ERBB4: variants seen among roughly 807,000 people sequenced by gnomAD.
ERBB4 encodes the protein erb-b2 receptor tyrosine kinase 4.
ERBB4 carries 42 observed loss-of-function variants against 158.0 expected under a neutral mutation model. The observed-to-expected ratio is 0.27, with a 90% CI of 0.21 to 0.34. The LOEUF (loss-of-function observed/expected upper bound fraction) is 0.34, where lower values mean the gene tolerates loss of function less well. Ranked by LOEUF, ERBB4 falls within the 10% of genes least tolerant of loss-of-function variation. The pLI is 1.00. For missense variants in ERBB4, 1,333 were observed against 1,624.1 expected (o/e 0.82, Z 3.08); for synonymous variants, 583 against 558.7 (o/e 1.04, Z -0.61).
intron 20 of ERBB4, among the ~76,000 whole-genome samples, chr2:211,547,291 T>G (rs2066967412): frequency 6.6e-6 from 1 of 152,124 alleles, no homozygotes; most frequent in African/African-American, 2.4e-5. Context: ...AAAAATTGGT[T>G]GTGATCAATT....
intron 1 of ERBB4, among the ~76,000 whole-genome samples, chr2:212,310,225 AAT>A (rs763785906): frequency 1.5e-4 from 22 of 150,872 alleles, no homozygotes; most frequent in African/African-American, 3.9e-4. Context: ...ACACTATTTT[AAT>A]ATCTTTCAAT....
chr2:211,750,533 G>T (rs575960929), intron 5 of ERBB4, 106 bp downstream of exon 5: 2 of 947,120 alleles, frequency 2.1e-6, no homozygotes, highest in South Asian at 1.3e-5. Flanking sequence ...CCACAAGGAG[G>T]TGATAGCTCA....
At chr2:212,196,255 G>A (rs1181582359) in intron 1 of ERBB4, among the ~76,000 whole-genome samples, 1 of 152,038 alleles carries the variant, frequency 6.6e-6, no homozygotes, top group African/African-American at 2.4e-5. Flanking sequence ...CCAGAGAAAA[G>A]AAAATGTTAT....
chr2:212,090,551 C>CT (rs1270466502), intron 2 of ERBB4, among the ~76,000 whole-genome samples: 4 of 152,124 alleles, frequency 2.6e-5, no homozygotes, highest in Non-Finnish European at 5.9e-5. Flanking sequence ...CTCCTGAAAA[C>CT]TGAGTCTCTG....
chr2:211,932,625 C>T (rs1575397682), intron 3 of ERBB4, among the ~76,000 whole-genome samples: 1 of 151,898 alleles, frequency 6.6e-6, no homozygotes. Context: ...TTTAGAAACA[C>T]ACTCATGGCT....
chr2:211,701,655 C>G (rs1013297450), intron 12 of ERBB4, among the ~76,000 whole-genome samples: 4 of 147,256 alleles, frequency 2.7e-5, no homozygotes, highest in Admixed American at 1.4e-4. Flanking sequence ...CTACCGGAGG[C>G]TGAGGCAGGA....
intron 25 of ERBB4, among the ~76,000 whole-genome samples, chr2:211,414,445 G>A (rs116788398): frequency 0.088 from 12,893 of 146,470 alleles, 1,162 homozygotes; most frequent in African/African-American, 0.23. Context: ...GCGGTAAGCT[G>A]AGATTGCGTC....
rs2125137930 is a variant in ERBB4 at position 211,947,511 on chromosome 2, G to T, written c.340C>A (p.Arg114=). Residue 114 remains arginine, a synonymous_variant, in exon 3 of 28, where the codon CGA becomes AGA. Transcript: ENST00000342788. ...IIRGTKLYED[R]YALAIFLNYR... ...TTTAAAAATATTGCCAAGGCATATC[G>T]ATCCTCATAAAGTTTTGTCCCACGA... The T allele has an allele frequency of 6.2e-7, 1 of 1,613,612 alleles. No homozygotes were observed. Among genetic ancestry groups the T allele is most frequent in the Admixed American group, 1.7e-5 (1 of 59,948 alleles).
chr2:211,700,730 C>G (rs532125331), intron 12 of ERBB4, among the ~76,000 whole-genome samples: 1 of 152,154 alleles, frequency 6.6e-6, no homozygotes, highest in Admixed American at 6.5e-5. Context: ...CACACTCACA[C>G]GTATACACGC....
intron 2 of ERBB4, among the ~76,000 whole-genome samples, chr2:212,060,551 G>C (rs561326361): frequency 1.7e-4 from 21 of 123,732 alleles, no homozygotes; most frequent in Non-Finnish European, 3.0e-4. Flanking sequence ...CAAAGACTTG[G>C]AACCCACCCC....
At chr2:211,445,555 T>C (rs1351553692) in intron 20 of ERBB4, among the ~76,000 whole-genome samples, 1 of 151,888 alleles carries the variant, frequency 6.6e-6, no homozygotes, top group African/African-American at 2.4e-5. Flanking sequence ...GGAGAGGAAA[T>C]GAGAGAATCT....
intron 19 of ERBB4, among the ~76,000 whole-genome samples, chr2:211,568,366 A>G (rs372604647): frequency 1.6e-4 from 24 of 152,280 alleles, no homozygotes; most frequent in African/African-American, 5.5e-4. Context: ...CTATATCTCT[A>G]TTTCAGCCTG....
At chr2:212,042,263 C>A (rs2077158916) in intron 2 of ERBB4, among the ~76,000 whole-genome samples, 1 of 152,022 alleles carries the variant, frequency 6.6e-6, no homozygotes, top group Admixed American at 6.6e-5. Context: ...ACAATAAGAC[C>A]TTGCAGGCGC....
At chr2:211,651,409 T>C (rs910857687) in intron 16 of ERBB4, among the ~76,000 whole-genome samples, 1 of 152,146 alleles carries the variant, frequency 6.6e-6, no homozygotes, top group African/African-American at 2.4e-5. Context: ...GGTAGGCAGA[T>C]GTGCTAGACA....
intron 13 of ERBB4, among the ~76,000 whole-genome samples, chr2:211,678,318 CAA>C (rs60505220): frequency 0.69 from 99,619 of 144,240 alleles, 34,652 homozygotes; most frequent in East Asian, 0.89. Context: ...AACAAACAAA[CAA>C]AAAAAAAAAA....
intron 1 of ERBB4, among the ~76,000 whole-genome samples, chr2:212,183,540 T>G (rs2081934237): frequency 1.3e-5 from 2 of 152,056 alleles, no homozygotes; most frequent in Non-Finnish European, 2.9e-5. Flanking sequence ...AACTGTATTC[T>G]TCAAACAACA....
At chr2:212,416,096 C>A (rs903817343) in intron 1 of ERBB4, among the ~76,000 whole-genome samples, 57 of 152,096 alleles carry the variant, frequency 3.7e-4, no homozygotes, top group African/African-American at 1.2e-3. Context: ...ACAAAACTTT[C>A]TATTGACTCG....
intron 9 of ERBB4, among the ~76,000 whole-genome samples, chr2:211,709,338 G>A (rs1260982491): frequency 1.4e-5 from 2 of 144,648 alleles, no homozygotes; most frequent in Non-Finnish European, 3.0e-5. Context: ...TTTATAACTA[G>A]TAGAAATCTA....
intron 1 of ERBB4, among the ~76,000 whole-genome samples, chr2:212,392,835 A>G (rs2090917524): frequency 6.6e-6 from 1 of 152,084 alleles, no homozygotes; most frequent in Non-Finnish European, 1.5e-5. Context: ...TTCTCTGCTA[A>G]GATGATATTC....
Sources: allele counts gnomAD v4.1 joint callset (sites outside exome capture counted in the v4.1 genomes callset), GRCh38; gene constraint gnomAD v4.1.1; transcripts MANE v1.5; gene names NCBI Gene and HGNC (gene_info 2026-07-23, HGNC 2026-07-21).